PLXNA4: variants seen among roughly 807,000 people sequenced by gnomAD.
PLXNA4 encodes plexin A4.
In PLXNA4, 44 loss-of-function variants were observed where a neutral mutation model predicts 191.8. The ratio of observed to expected loss-of-function variants is 0.23; its 90% CI spans 0.18 to 0.29. The LOEUF is 0.29. Among genes scored for constraint, PLXNA4 ranks in the 10% least tolerant of loss-of-function variants. The pLI is 1.00. For missense variants in PLXNA4, 1,800 were observed against 2,488.8 expected, an observed-to-expected ratio of 0.72 and a Z score of 5.89; for synonymous variants, 1,082 against 1,009.5, an observed-to-expected ratio of 1.07 and a Z score of -1.36.
chr7:132,433,665 G>A (rs187167500), intron 3 of PLXNA4, among the ~76,000 whole-genome samples: 4 of 152,228 alleles, frequency 2.6e-5, no homozygotes, highest in Non-Finnish European at 4.4e-5. Flanking sequence ...TTAGAGAGCT[G>A]CACAATTTAC....
chr7:132,613,756 C>T (rs1203283091), intron 2 of PLXNA4, among the ~76,000 whole-genome samples: 1 of 152,090 alleles, frequency 6.6e-6, no homozygotes, highest in East Asian at 1.9e-4. Context: ...AAACAAAACA[C>T]GGCCACAAGG....
intron 12 of PLXNA4, among the ~76,000 whole-genome samples, chr7:132,200,232 TC>T (rs1797387241): frequency 6.6e-6 from 1 of 152,212 alleles, no homozygotes; most frequent in Non-Finnish European, 1.5e-5. Flanking sequence ...CCTGTGATTT[TC>T]TTGGACATAG....
intron 4 of PLXNA4, among the ~76,000 whole-genome samples, chr7:132,243,822 C>T (rs1446526474): frequency 6.6e-6 from 1 of 152,142 alleles, no homozygotes; most frequent in Non-Finnish European, 1.5e-5. Flanking sequence ...TTACCTCTCC[C>T]CGACATCCCA....
chr7:132,389,335 C>A (rs918178702), intron 3 of PLXNA4, among the ~76,000 whole-genome samples: 1 of 152,182 alleles, frequency 6.6e-6, no homozygotes, highest in Non-Finnish European at 1.5e-5. Context: ...GTCATGAAGT[C>A]TTTGCCCATG....
intron 3 of PLXNA4, among the ~76,000 whole-genome samples, chr7:132,430,308 T>TCTGCACC (rs1253503764): frequency 6.6e-6 from 1 of 152,150 alleles, no homozygotes; most frequent in African/African-American, 2.4e-5. Context: ...TTACTCCTCT[T>TCTGCACC]CTGCACCCAG....
In PLXNA4 at chr7:132,123,466, C is replaced by G. The variant is rs192321620; in HGVS notation, c.*7013G>C. The G allele has an allele frequency of 6.6e-6, 1 of 152,224 alleles. No individual in the cohort carries two copies. The highest frequency in any genetic ancestry group is 2.4e-5 in the African/African-American group (1 of 41,536). 9.4% of individuals were successfully genotyped at this position (152,224 alleles called of 1,614,324 possible). A position where few individuals can be genotyped will look rare whatever the true frequency, so the allele number is the denominator to read the frequency against. On this transcript the variant is annotated 3_prime_UTR_variant, in exon 32 of 32. Coordinates refer to ENST00000321063, the MANE Select transcript of PLXNA4 (RefSeq NM_020911.2). The stretch of plus-strand genomic sequence containing the variant: ...TATACAATTAATTATAACAAAGGTA[C>G]AGAAGCTTGCCTTTACCAAGTTACA...
At chr7:132,510,506 C>T (rs1406931091) in intron 1 of PLXNA4, among the ~76,000 whole-genome samples, 2 of 152,206 alleles carry the variant, frequency 1.3e-5, no homozygotes, top group Non-Finnish European at 2.9e-5. Context: ...ATGTGCAAGA[C>T]ACTGTGGGGC....
At chr7:132,294,377 C>T (rs909836593) in intron 4 of PLXNA4, among the ~76,000 whole-genome samples, 1 of 152,154 alleles carries the variant, frequency 6.6e-6, no homozygotes, top group Non-Finnish European at 1.5e-5. Context: ...GCGGGGAGAG[C>T]GGCAGGTGAT....
intron 4 of PLXNA4, among the ~76,000 whole-genome samples, chr7:132,292,655 G>T (rs1800935714): frequency 6.6e-6 from 1 of 152,164 alleles, no homozygotes. Context: ...CTTTCTCTGG[G>T]TGAGGTCTTC....
At chr7:132,397,844 A>G (rs1793826302) in intron 3 of PLXNA4, among the ~76,000 whole-genome samples, 1 of 152,258 alleles carries the variant, frequency 6.6e-6, no homozygotes, top group South Asian at 2.1e-4. Flanking sequence ...CTATTTGACG[A>G]AGGGCACAGG....
chr7:132,265,538 C>T (rs717007), intron 4 of PLXNA4, among the ~76,000 whole-genome samples: 6 of 151,990 alleles, frequency 3.9e-5, no homozygotes, highest in African/African-American at 1.5e-4. Flanking sequence ...GGCAGGAGAA[C>T]AGCAAGAAGA....
rs199931280 is a variant in PLXNA4, at chr7:132,508,002, G to A, written c.692C>T (p.Ser231Leu). ...GTCAGGGATGATGGTGAAGGTGTCC[G>A]AAGGGATCTTAATCATCGAGGCCAC... The part of the protein sequence containing the change: ...EFVASMIKIP[S>L]DTFTIIPDFD... The change falls in exon 2 of 32, where the codon TCG becomes TTG. Residue 231 changes from serine (S) to leucine (L), a missense_variant. Physicochemically the swap from Ser to Leu is moderately radical, Grantham distance 145. Transcript: ENST00000321063. The surrounding 1 kb of genome is among the most constrained non-coding windows in gnomAD (Gnocchi z 4.4). The A allele has an allele frequency of 1.4e-5, 23 of 1,614,234 alleles. No individual in the cohort carries two copies. The highest frequency in any genetic ancestry group is 1.6e-4 in the Middle Eastern group (1 of 6,062).
chr7:132,226,131 C>A (rs73155297), intron 8 of PLXNA4, 30 bp downstream of exon 8: 45 of 1,581,376 alleles, frequency 2.8e-5, no homozygotes, highest in Non-Finnish European at 3.6e-5. Flanking sequence ...ACCCCAGGAA[C>A]GGGAAGTGGG....
At chr7:132,359,089 C>T (rs1418034862) in intron 3 of PLXNA4, among the ~76,000 whole-genome samples, 1 of 152,056 alleles carries the variant, frequency 6.6e-6, no homozygotes, top group Non-Finnish European at 1.5e-5. Context: ...TCTCAGTTTT[C>T]TCCTCTGCAA....
chr7:132,248,757 G>C (rs956002363), intron 4 of PLXNA4, among the ~76,000 whole-genome samples: 1 of 152,232 alleles, frequency 6.6e-6, no homozygotes, highest in African/African-American at 2.4e-5. Flanking sequence ...ACTCTGGAAA[G>C]AGAATGCAGC....
At position 132,615,186 on chromosome 7, in the gene PLXNA4, C is replaced by T. The variant is rs554768066; in HGVS notation, c.-87+30742G>A. On this transcript the variant is annotated intron_variant, in intron 2 of 4. Transcript: ENST00000378539. ...GGAGGAATCTGGGAGAGCTGAGATT[C>T]TAGGGCTTTGGTTACCGGTGGAGCG... is the stretch of plus-strand genomic sequence containing the variant. Among the ~76,000 whole-genome samples, 12 of 152,236 alleles carry T rather than the reference C, an allele frequency of 7.9e-5. No homozygotes were observed. The South Asian group carries it at 2.3e-3, about 29-fold the overall frequency.
At chr7:132,462,518 T>C (rs1271133045) in intron 3 of PLXNA4, among the ~76,000 whole-genome samples, 2 of 151,414 alleles carry the variant, frequency 1.3e-5, no homozygotes, top group African/African-American at 4.9e-5. Flanking sequence ...TATGTACATA[T>C]ATATACTCTC....
At chr7:132,132,468 C>CTCTGT (rs1448510801) in intron 31 of PLXNA4, among the ~76,000 whole-genome samples, 473 of 44,572 alleles carry the variant, frequency 0.011, 30 homozygotes, top group African/African-American at 0.035. Flanking sequence ...TTCTGTTCTG[C>CTCTGT]TCTGCTCTGC....
rs187106311 is a variant in PLXNA4 at position 132,506,304 on chromosome 7, T to C, written c.1188+1202A>G. ...CTGCCTGGCACATAGTTATACTTTA[T>C]GAAAGGAAATTTACACTTTTTTAAA... On this transcript the variant is annotated intron_variant, in intron 2 of 31. Transcript: ENST00000321063. 1.4e-3 allele frequency among the ~76,000 whole-genome samples: 219 copies of C among 152,312 alleles called. 2 individuals are homozygous for C. Among genetic ancestry groups the C allele is most frequent in the Admixed American group, 0.013 (194 of 15,304 alleles).
Sources: allele counts gnomAD v4.1 joint callset (sites outside exome capture counted in the v4.1 genomes callset), GRCh38; gene constraint gnomAD v4.1.1; non-coding constraint Gnocchi (gnomAD v3.1); transcripts MANE v1.5; gene names NCBI Gene and HGNC (gene_info 2026-07-23, HGNC 2026-07-21).